Variants in MAPK10 observed in about 807,000 individuals in gnomAD.
MAPK10 encodes the protein mitogen-activated protein kinase 10, also known as JNK3 alpha protein kinase.
MAPK10 carries 25 observed loss-of-function variants against 59.3 expected under a neutral mutation model. The observed-to-expected ratio is 0.42, with a 90% CI of 0.31 to 0.59. The LOEUF (loss-of-function observed/expected upper bound fraction) is 0.59. MAPK10 is among the 20% of genes least tolerant of loss of function. MAPK10 has a pLI of 0.15. For synonymous variants in MAPK10, 190 were observed against 200.5 expected (o/e 0.95, Z 0.44); for missense variants, 351 against 568.9 (o/e 0.62, Z 3.90).
intron 1 of MAPK10, among the ~76,000 whole-genome samples, chr4:86,451,532 G>A (rs1750719225): frequency 1.3e-5 from 2 of 152,282 alleles, no homozygotes; most frequent in African/African-American, 4.8e-5. Context: ...AGACCCTGAG[G>A]CAAGGATTTG....
At chr4:86,387,817 G>A (rs1171775574) in intron 1 of MAPK10, among the ~76,000 whole-genome samples, 2 of 151,812 alleles carry the variant, frequency 1.3e-5, no homozygotes, top group African/African-American at 4.8e-5. Flanking sequence ...CCTATCAGTT[G>A]TTTATGTTTT....
intron 2 of MAPK10, among the ~76,000 whole-genome samples, chr4:86,293,864 C>T (rs1157892755): frequency 6.6e-6 from 1 of 152,126 alleles, no homozygotes; most frequent in African/African-American, 2.4e-5. Context: ...AGAAATCCGC[C>T]TCTATCTAAA....
At chr4:86,216,295 C>CATATATAT (rs10639041) in intron 2 of MAPK10, among the ~76,000 whole-genome samples, 412 of 131,138 alleles carry the variant, frequency 3.1e-3, no homozygotes, top group Admixed American at 5.9e-3. Flanking sequence ...ATATATATAG[C>CATATATAT]ATATATATAT....
chr4:86,197,359 CT>C lies in MAPK10; in HGVS notation c.-6-2953del, dbSNP rs2081565875. Among the ~76,000 whole-genome samples, 3 of 152,198 alleles carry C rather than the reference CT, an allele frequency of 2.0e-5. No homozygotes were observed. The South Asian group carries it at 6.2e-4, about 32-fold the overall frequency. ...GGGAGTTCACTCATGATTTGGCTCT[CT>C]GTCTACTATTGGTGTATAGGAATGC... is the stretch of plus-strand genomic sequence containing the variant. On this transcript the variant is annotated intron_variant, in intron 2 of 13. Coordinates refer to ENST00000641462, the MANE Select transcript of MAPK10 (RefSeq NM_138982.4).
chr4:86,061,902 G>C (rs772096149), intron 11 of MAPK10, among the ~76,000 whole-genome samples: 3 of 152,094 alleles, frequency 2.0e-5, no homozygotes, highest in African/African-American at 7.2e-5. Context: ...AGTCTTGTCA[G>C]CCCCGGCAGA....
At chr4:86,322,755 C>A (rs1363106531) in intron 2 of MAPK10, among the ~76,000 whole-genome samples, 2 of 152,152 alleles carry the variant, frequency 1.3e-5, no homozygotes, top group Non-Finnish European at 2.9e-5. Flanking sequence ...CATTCTCTTT[C>A]CTGGGGTTTT....
chr4:86,283,450 C>A (rs2094891950), intron 2 of MAPK10, among the ~76,000 whole-genome samples: 1 of 152,132 alleles, frequency 6.6e-6, no homozygotes, highest in Non-Finnish European at 1.5e-5. Context: ...AAATAGGGCA[C>A]GTAGGAGAAA....
intron 1 of MAPK10, among the ~76,000 whole-genome samples, chr4:86,590,518 T>A (rs1578199449): frequency 6.6e-6 from 1 of 152,178 alleles, no homozygotes; most frequent in South Asian, 2.1e-4. Flanking sequence ...GTGTGGTGGG[T>A]CACACCTGTA....
intron 2 of MAPK10, among the ~76,000 whole-genome samples, chr4:86,301,694 G>C (rs758447350): frequency 5.9e-5 from 9 of 152,092 alleles, no homozygotes; most frequent in Non-Finnish European, 8.8e-5. Context: ...TGTGCTAGCT[G>C]TCAGAAATAC....
chr4:86,126,734 A>G (rs986757082), intron 4 of MAPK10, among the ~76,000 whole-genome samples: 2 of 152,018 alleles, frequency 1.3e-5, no homozygotes, highest in African/African-American at 4.8e-5. Context: ...TGTCTTAGAA[A>G]TATCTTAAAA....
intron 1 of MAPK10, among the ~76,000 whole-genome samples, chr4:86,440,185 CAT>C (rs1749245959): frequency 6.6e-6 from 1 of 152,120 alleles, no homozygotes; most frequent in Admixed American, 6.5e-5. Flanking sequence ...GCTGACAAAA[CAT>C]ATCAAAATTC....
chr4:86,172,749 GA>G (rs949066985), intron 3 of MAPK10, among the ~76,000 whole-genome samples: 2 of 147,406 alleles, frequency 1.4e-5, no homozygotes, highest in South Asian at 4.3e-4. Flanking sequence ...AAAGAAACAT[GA>G]AAAAAATAAA....
chr4:86,084,614 T>G (rs1698855577), intron 9 of MAPK10, among the ~76,000 whole-genome samples: 2 of 152,042 alleles, frequency 1.3e-5, no homozygotes, highest in African/African-American at 4.8e-5. Context: ...AACAAAAAAT[T>G]GAAAGATATT....
At chr4:86,337,025 G>A (rs1721890233) in intron 2 of MAPK10, among the ~76,000 whole-genome samples, 2 of 151,794 alleles carry the variant, frequency 1.3e-5, no homozygotes, top group South Asian at 4.2e-4. Context: ...TCCTGACCTC[G>A]TGATCCACCT....
chr4:86,077,378 G>A (rs1266865650), intron 9 of MAPK10, among the ~76,000 whole-genome samples: 1 of 152,090 alleles, frequency 6.6e-6, no homozygotes, highest in Admixed American at 6.6e-5. Flanking sequence ...CATAATATAT[G>A]AAAAGGGCAA....
intron 2 of MAPK10, among the ~76,000 whole-genome samples, chr4:86,229,968 G>A (rs2091296282): frequency 6.6e-6 from 1 of 152,166 alleles, no homozygotes; most frequent in Non-Finnish European, 1.5e-5. Flanking sequence ...GGCTGAGGCA[G>A]GAGGATTGCT....
intron 4 of MAPK10, among the ~76,000 whole-genome samples, chr4:86,146,201 A>G (rs539742448): frequency 7.9e-5 from 12 of 152,332 alleles, no homozygotes; most frequent in Admixed American, 1.3e-4. Flanking sequence ...TTTAACTCCA[A>G]TATTTGTTAA....
At chr4:86,197,399 A>G (rs1471108687) in intron 2 of MAPK10, among the ~76,000 whole-genome samples, 1 of 152,162 alleles carries the variant, frequency 6.6e-6, no homozygotes, top group Non-Finnish European at 1.5e-5. Flanking sequence ...TGATTTTTGC[A>G]CATTAATTTT....
intron 2 of MAPK10, chr4:86,322,100 G>A (rs533784187): frequency 6.6e-6 from 1 of 152,062 alleles, no homozygotes; most frequent in Non-Finnish European, 1.5e-5. Flanking sequence ...TAAATCATAT[G>A]TCTTAATCCA....
Sources: gnomAD v4.1 joint callset for allele counts (sites outside exome capture counted in the v4.1 genomes callset) on GRCh38, gnomAD v4.1.1 for gene constraint, MANE v1.5 for transcripts, NCBI Gene and HGNC (gene_info 2026-07-23, HGNC 2026-07-21) for gene names.